The following RBFOX1 variants were observed in gnomAD, a reference collection of about 807,000 sequenced individuals.
The protein encoded by RBFOX1 is RNA binding protein fox-1 homolog 1.
In RBFOX1, 8 loss-of-function variants were observed where a neutral mutation model predicts 57.7. The observed-to-expected ratio is 0.14, with a 90% CI of 0.08 to 0.25. The LOEUF (loss-of-function observed/expected upper bound fraction) is 0.25, where lower values mean the gene tolerates loss of function less well. Among genes scored for constraint, RBFOX1 ranks in the 10% least tolerant of loss-of-function variants. The pLI is 1.00. For missense variants in RBFOX1, 611 were observed against 548.5 expected (o/e 1.11, Z -1.14); for synonymous variants, 326 against 222.4 (o/e 1.47, Z -4.15).
At chr16:7,571,593 G>A (rs778584816) in intron 5 of RBFOX1, among the ~76,000 whole-genome samples, 2 of 151,610 alleles carry the variant, frequency 1.3e-5, no homozygotes, top group Non-Finnish European at 3.0e-5. Flanking sequence ...CCGATACCTG[G>A]GGAGTTTGTG....
chr16:7,622,088 G>T (rs76230365), intron 10 of RBFOX1, among the ~76,000 whole-genome samples: 3,672 of 152,168 alleles, frequency 0.024, 142 homozygotes, highest in African/African-American at 0.084. Context: ...GTGGGGGCTC[G>T]GGGGAGGGGA....
intron 3 of RBFOX1, among the ~76,000 whole-genome samples, chr16:7,001,700 A>G (rs1450374430): frequency 6.6e-6 from 1 of 152,060 alleles, no homozygotes; most frequent in Admixed American, 6.6e-5. Context: ...GAAGTGATCC[A>G]TCCTCCTTGG....
chr16:6,158,146 A>G (rs1329570929), intron 1 of RBFOX1, among the ~76,000 whole-genome samples: 1 of 152,118 alleles, frequency 6.6e-6, no homozygotes, highest in Non-Finnish European at 1.5e-5. Flanking sequence ...GGCAACCAAT[A>G]ATGATGTCCA....
At chr16:7,460,981 T>C (rs1760453391) in intron 4 of RBFOX1, among the ~76,000 whole-genome samples, 1 of 152,144 alleles carries the variant, frequency 6.6e-6, no homozygotes, top group South Asian at 2.1e-4. Flanking sequence ...CTTGACATTG[T>C]GGAGAAGCTC....
intron 2 of RBFOX1, among the ~76,000 whole-genome samples, chr16:6,566,922 A>T (rs1246974457): frequency 1.3e-5 from 2 of 152,226 alleles, no homozygotes. Flanking sequence ...AACATAGACC[A>T]CAAAAAATTG....
chr16:7,702,271 G>C (rs976798945), intron 14 of RBFOX1, among the ~76,000 whole-genome samples: 2 of 152,148 alleles, frequency 1.3e-5, no homozygotes, highest in African/African-American at 4.8e-5. Context: ...CGGAATTTTT[G>C]AAAGATCTTC....
intron 3 of RBFOX1, among the ~76,000 whole-genome samples, chr16:5,666,260 A>G (rs17138303): frequency 6.6e-6 from 1 of 152,200 alleles, no homozygotes; most frequent in African/African-American, 2.4e-5. Flanking sequence ...GAGTAAATGC[A>G]TGATTGGAGC....
chr16:6,300,546 G>A (rs1013750932), intron 1 of RBFOX1, among the ~76,000 whole-genome samples: 4 of 152,140 alleles, frequency 2.6e-5, no homozygotes, highest in South Asian at 2.1e-4. Context: ...AGTATTTAGC[G>A]GAGTACTCAT....
intron 3 of RBFOX1, among the ~76,000 whole-genome samples, chr16:6,924,352 A>C (rs548832101): frequency 4.6e-5 from 7 of 151,950 alleles, no homozygotes; most frequent in Non-Finnish European, 8.8e-5. Flanking sequence ...TGGGCAGGGA[A>C]GAGGAACACG....
intron 1 of RBFOX1, among the ~76,000 whole-genome samples, chr16:6,261,782 G>T (rs925586196): frequency 3.3e-5 from 5 of 151,934 alleles, no homozygotes; most frequent in Non-Finnish European, 5.9e-5. Context: ...GATCACTTGA[G>T]ATCAGGAGTT....
chr16:7,255,704 A>C (rs971651412), intron 4 of RBFOX1, among the ~76,000 whole-genome samples: 4 of 152,272 alleles, frequency 2.6e-5, no homozygotes, highest in Non-Finnish European at 4.4e-5. Context: ...AAATAAATGC[A>C]TGAAATGTTT....
chr16:5,562,615 C>T (rs887870479), intron 2 of RBFOX1, among the ~76,000 whole-genome samples: 1 of 152,090 alleles, frequency 6.6e-6, no homozygotes, highest in Non-Finnish European at 1.5e-5. Context: ...GGGGTTCCTC[C>T]AACTTGTAAG....
chr16:7,143,079 C>G (rs998127121), intron 4 of RBFOX1, among the ~76,000 whole-genome samples: 1 of 151,894 alleles, frequency 6.6e-6, no homozygotes, highest in African/African-American at 2.4e-5. Flanking sequence ...ATATTTTTTC[C>G]TTTCATATAG....
intron 13 of RBFOX1, among the ~76,000 whole-genome samples, chr16:7,667,459 G>A (rs1276458135): frequency 6.6e-6 from 1 of 152,160 alleles, no homozygotes; most frequent in Non-Finnish European, 1.5e-5. Context: ...ATACCAGCAT[G>A]TTCTGATGAG....
intron 1 of RBFOX1, among the ~76,000 whole-genome samples, chr16:6,047,844 T>A (rs2095511596): frequency 6.6e-6 from 1 of 152,154 alleles, no homozygotes; most frequent in African/African-American, 2.4e-5. Context: ...GCCTATTTTA[T>A]GCATGAAAAA....
chr16:5,643,522 A>G (rs1296489217), intron 3 of RBFOX1, among the ~76,000 whole-genome samples: 2 of 152,174 alleles, frequency 1.3e-5, no homozygotes, highest in Admixed American at 1.3e-4. Flanking sequence ...AGCCTAGGAA[A>G]ATCCAGATGT....
At chr16:6,508,398 C>G (rs1241361333) in intron 2 of RBFOX1, among the ~76,000 whole-genome samples, 1 of 152,234 alleles carries the variant, frequency 6.6e-6, no homozygotes, top group East Asian at 1.9e-4. Flanking sequence ...AGACTTAACA[C>G]TCCTGAACTG....
chr16:5,992,509 T>A (rs192365918), intron 4 of RBFOX1, among the ~76,000 whole-genome samples: 47 of 152,316 alleles, frequency 3.1e-4, no homozygotes, highest in African/African-American at 1.1e-3. Context: ...CTGCAACTGG[T>A]ATGAGTCACC....
intron 3 of RBFOX1, among the ~76,000 whole-genome samples, chr16:5,783,986 A>G (rs1193232492): frequency 6.6e-6 from 1 of 152,210 alleles, no homozygotes; most frequent in East Asian, 1.9e-4. Flanking sequence ...CCTTGCTGTA[A>G]AAACTTACCT....
Sources: allele counts gnomAD v4.1 joint callset (sites outside exome capture counted in the v4.1 genomes callset), GRCh38; gene constraint gnomAD v4.1.1; transcripts MANE v1.5; gene names NCBI Gene and HGNC (gene_info 2026-07-23, HGNC 2026-07-21).